SORCS3: variants seen among roughly 807,000 people sequenced by gnomAD.
The protein encoded by SORCS3 is sortilin related VPS10 domain containing receptor 3, also known as VPS10 domain-containing receptor SorCS3.
Under a neutral mutation model 146.3 loss-of-function variants are expected in SORCS3, and 57 were observed. The observed-to-expected ratio is 0.39, with a 90% confidence interval of 0.31 to 0.49. SORCS3 has a LOEUF of 0.49. SORCS3 is among the 20% of genes least tolerant of loss of function. SORCS3 has a pLI of 0.92. For synonymous variants in SORCS3, 653 were observed against 618.5 expected (o/e 1.06, Z -0.83); for missense variants, 1,341 against 1,575.5 (o/e 0.85, Z 2.52).
intron 1 of SORCS3, among the ~76,000 whole-genome samples, chr10:104,818,555 C>A (rs1389141541): frequency 1.3e-5 from 2 of 152,016 alleles, no homozygotes; most frequent in Non-Finnish European, 2.9e-5. Flanking sequence ...GGCTCCCAGT[C>A]CTGCATTAGT....
Position 105,062,086 on chromosome 10 carries a change from A to T in SORCS3, c.1028+18958A>T, listed in dbSNP as rs548993736. Among the ~76,000 whole-genome samples, 398 of 152,326 alleles carry T rather than the reference A, an allele frequency of 2.6e-3. 2 individuals carry two copies. The highest frequency in any genetic ancestry group is 4.2e-3 in the Non-Finnish European group (283 of 68,024). ...AATTCTTGTTATTTTCCTAAGAGGC[A>T]AGATTAATTTTGATAATAATGGTGG... On this transcript the variant is annotated intron_variant, in intron 5 of 26. Transcript: ENST00000369701.
chr10:104,695,144 G>A (rs1163627123), intron 1 of SORCS3, among the ~76,000 whole-genome samples: 1 of 152,142 alleles, frequency 6.6e-6, no homozygotes, highest in Non-Finnish European at 1.5e-5. Flanking sequence ...TTTTATTGTG[G>A]TGATTTTTTT....
intron 1 of SORCS3, among the ~76,000 whole-genome samples, chr10:104,801,490 G>A (rs1215112483): frequency 6.6e-6 from 1 of 152,196 alleles, no homozygotes; most frequent in Non-Finnish European, 1.5e-5. Context: ...TAAAGGGCCA[G>A]CTCCCCACCA....
intron 1 of SORCS3, among the ~76,000 whole-genome samples, chr10:104,695,752 T>A: frequency 6.6e-6 from 1 of 151,812 alleles, no homozygotes; most frequent in Admixed American, 6.6e-5. Flanking sequence ...CTGTATTGGA[T>A]ATTTTTCTAG....
chr10:105,024,832 C>T (rs1001150510), intron 4 of SORCS3, among the ~76,000 whole-genome samples: 10 of 152,092 alleles, frequency 6.6e-5, no homozygotes, highest in African/African-American at 1.9e-4. Context: ...GCTTTCAGAC[C>T]GAACGTGTAA....
In SORCS3 at chr10:105,000,748, A is replaced by G. The variant is rs543602221; in HGVS notation, c.954+23255A>G. 2.0e-5 allele frequency among the ~76,000 whole-genome samples: 3 copies of G among 152,284 alleles called. No homozygotes were observed. In the East Asian group the frequency reaches 5.8e-4, roughly 29 times the overall value. On this transcript the variant is annotated intron_variant, in intron 4 of 26. Transcript: ENST00000369701. The stretch of plus-strand genomic sequence containing the variant: ...GCTGCATGCTCAGATAGTGGCCAAC[A>G]TATTGGAGGGCACCATATCATGTAT...
intron 20 of SORCS3, among the ~76,000 whole-genome samples, chr10:105,228,148 T>A (rs2056745052): frequency 6.6e-6 from 1 of 152,068 alleles, no homozygotes. Flanking sequence ...ATTAATTAAT[T>A]TCTGGTTGTT....
At position 105,210,693 on chromosome 10, in the gene SORCS3, A is replaced by G. The variant is rs533392230; in HGVS notation, c.2262-444A>G. On this transcript the variant is annotated intron_variant, in intron 16 of 26. Transcript: ENST00000369701. ...GGGGCCTTTGTTTTATCTCATCAGG[A>G]AAAGTTTGAATGACTCTATGTGTCC... Among the ~76,000 whole-genome samples the G allele has an allele frequency of 5.9e-5, 9 of 152,300 alleles. No homozygotes were observed. In the South Asian group the frequency reaches 1.9e-3, roughly 32 times the overall value.
intron 20 of SORCS3, among the ~76,000 whole-genome samples, chr10:105,236,872 G>T (rs553176672): frequency 6.6e-6 from 1 of 152,158 alleles, no homozygotes; most frequent in South Asian, 2.1e-4. Flanking sequence ...ACATGACTTA[G>T]TTATTATTTG....
chr10:104,850,505 A>G (rs113682000), intron 2 of SORCS3, among the ~76,000 whole-genome samples: 69 of 152,238 alleles, frequency 4.5e-4, no homozygotes, highest in African/African-American at 1.6e-3. Context: ...GATCTCTTGA[A>G]CCTCAGGAGG....
intron 8 of SORCS3, among the ~76,000 whole-genome samples, chr10:105,145,265 A>G (rs925927108): frequency 6.6e-6 from 1 of 152,138 alleles, no homozygotes; most frequent in African/African-American, 2.4e-5. Flanking sequence ...GTAGGTTTAT[A>G]TCTTAGTAAT....
intron 1 of SORCS3, among the ~76,000 whole-genome samples, chr10:104,703,383 T>A (rs1451740106): frequency 1.3e-5 from 2 of 152,216 alleles, no homozygotes; most frequent in Non-Finnish European, 2.9e-5. Context: ...CAGCATCTAT[T>A]GTTTCCTGAA....
intron 3 of SORCS3, among the ~76,000 whole-genome samples, chr10:104,976,418 C>T (rs1018459496): frequency 5.3e-5 from 8 of 152,140 alleles, no homozygotes; most frequent in Non-Finnish European, 1.0e-4. Flanking sequence ...GCAACAGGTG[C>T]TGGAGAGGAT....
intron 9 of SORCS3, among the ~76,000 whole-genome samples, chr10:105,150,965 G>A (rs531575868): frequency 1.3e-5 from 2 of 152,292 alleles, no homozygotes; most frequent in African/African-American, 4.8e-5. Context: ...GAGAAAAACA[G>A]TAAGTTTTCA....
At chr10:105,228,774 A>T (rs1362604402) in intron 20 of SORCS3, among the ~76,000 whole-genome samples, 1 of 152,018 alleles carries the variant, frequency 6.6e-6, no homozygotes, top group East Asian at 1.9e-4. Context: ...CTATTTTTTG[A>T]ATTCTGTATT....
At chr10:104,810,373 A>T (rs568153761) in intron 1 of SORCS3, among the ~76,000 whole-genome samples, 4 of 152,212 alleles carry the variant, frequency 2.6e-5, no homozygotes, top group African/African-American at 4.8e-5. Flanking sequence ...TAACATTGTC[A>T]TCATATAGTG....
At chr10:104,768,113 C>T (rs2017203262) in intron 1 of SORCS3, among the ~76,000 whole-genome samples, 1 of 152,174 alleles carries the variant, frequency 6.6e-6, no homozygotes, top group African/African-American at 2.4e-5. Flanking sequence ...AGGTATGGTT[C>T]ACAGGAGAAC....
chr10:105,051,385 T>C (rs2055411797), intron 5 of SORCS3, among the ~76,000 whole-genome samples: 1 of 152,094 alleles, frequency 6.6e-6, no homozygotes, highest in African/African-American at 2.4e-5. Context: ...GTGAATACTC[T>C]TGCACCTCTT....
chr10:104,856,200 C>G (rs896458223), intron 2 of SORCS3, among the ~76,000 whole-genome samples: 10 of 152,032 alleles, frequency 6.6e-5, no homozygotes, highest in Non-Finnish European at 1.3e-4. Context: ...TGTACAATAT[C>G]TTTCCTAGGC....
Sources: allele counts gnomAD v4.1 joint callset (sites outside exome capture counted in the v4.1 genomes callset), GRCh38; gene constraint gnomAD v4.1.1; transcripts MANE v1.5; gene names NCBI Gene and HGNC (gene_info 2026-07-23, HGNC 2026-07-21).